The following ACSS2 variants were observed in gnomAD, a reference collection of about 807,000 sequenced individuals.
ACSS2 encodes acetyl-coenzyme A synthetase, cytoplasmic.
Under a neutral mutation model 90.6 loss-of-function variants are expected in ACSS2, and 58 were observed. That is an observed-to-expected ratio of 0.64 (90% CI 0.52 to 0.80). The LOEUF (loss-of-function observed/expected upper bound fraction) is 0.80. ACSS2 is among the 30% of genes least tolerant of loss of function. ACSS2 has a pLI of 0.00. For missense variants in ACSS2, 759 were observed against 912.0 expected (o/e 0.83, Z 2.16); for synonymous variants, 300 against 330.9 (o/e 0.91, Z 1.01).
intron 2 of ACSS2, among the ~76,000 whole-genome samples, chr20:34,888,539 G>A (rs1273478974): frequency 6.6e-6 from 1 of 152,194 alleles, no homozygotes; most frequent in Non-Finnish European, 1.5e-5. Context: ...TTAAGTGCCA[G>A]GCACTATTCT....
At chr20:34,877,050 TGCGGGTTTTTGCGAGGAGAC>T (rs2079932853) in intron 1 of ACSS2, among the ~76,000 whole-genome samples, 2 of 152,062 alleles carry the variant, frequency 1.3e-5, no homozygotes, top group South Asian at 4.2e-4. Context: ...GTGGTGGAGA[TGCGGGTTTTTGCGAGGAGAC>T]GCGGGATTCC....
At position 34,923,320 on chromosome 20, in the gene ACSS2, C is replaced by G. The variant is rs1257648164; in HGVS notation, c.1549-3C>G. 6.2e-7 allele frequency: 1 copy of G among 1,610,624 alleles called. No individual in the cohort carries two copies. Among genetic ancestry groups the G allele is most frequent in the African/African-American group, 1.3e-5 (1 of 74,828 alleles). ...TGATCACTGTCCCTTCCTCACTCCCCAGGTGTTCAAGCAGCCCTGGCCAGG... is the reference window on the plus strand; with the variant it reads ...TGATCACTGTCCCTTCCTCACTCCCGAGGTGTTCAAGCAGCCCTGGCCAGG... On this transcript the variant is annotated splice_polypyrimidine_tract_variant and splice_region_variant and intron_variant, in intron 13 of 17. Coordinates refer to ENST00000360596, the MANE Select transcript of ACSS2 (RefSeq NM_018677.4).
At chr20:34,887,011 T>C (rs1462482089) in intron 2 of ACSS2, among the ~76,000 whole-genome samples, 1 of 152,248 alleles carries the variant, frequency 6.6e-6, no homozygotes, top group Non-Finnish European at 1.5e-5. Flanking sequence ...GTACTCCCAT[T>C]ATCCAAAATA....
intron 2 of ACSS2, among the ~76,000 whole-genome samples, chr20:34,891,076 A>G (rs1310321734): frequency 6.6e-6 from 1 of 152,082 alleles, no homozygotes; most frequent in East Asian, 1.9e-4. Flanking sequence ...GATTTTCCAT[A>G]TCACCTTGAC....
At chr20:34,917,755 T>G (rs545348279) in intron 7 of ACSS2, among the ~76,000 whole-genome samples, 10 of 152,026 alleles carry the variant, frequency 6.6e-5, no homozygotes, top group Non-Finnish European at 1.0e-4. Flanking sequence ...TGTTTTTGTT[T>G]TTGTTTTTGT....
At chr20:34,879,834 G>A (rs1047738161) in intron 1 of ACSS2, among the ~76,000 whole-genome samples, 1 of 152,166 alleles carries the variant, frequency 6.6e-6, no homozygotes, top group Non-Finnish European at 1.5e-5. Flanking sequence ...ATTATCACTT[G>A]AAAATATTTT....
At chr20:34,877,909 C>CAGATAGACAGAT (rs1555878359) in intron 1 of ACSS2, among the ~76,000 whole-genome samples, 1 of 146,534 alleles carries the variant, frequency 6.8e-6, no homozygotes, top group Non-Finnish European at 1.5e-5. Context: ...GATAGATAGA[C>CAGATAGACAGAT]AGATAGATAG....
At chr20:34,891,705 G>A (rs79877684) in intron 2 of ACSS2, among the ~76,000 whole-genome samples, 130 of 152,248 alleles carry the variant, frequency 8.5e-4, no homozygotes, top group Middle Eastern at 3.4e-3. Context: ...GATTGTGGAG[G>A]TGAGCTGGAG....
chr20:34,907,981 G>A (rs2080851057), intron 2 of ACSS2, among the ~76,000 whole-genome samples: 1 of 152,222 alleles, frequency 6.6e-6, no homozygotes, highest in South Asian at 2.1e-4. Context: ...CACTATGAGG[G>A]AGAGTCCTGA....
intron 1 of ACSS2, among the ~76,000 whole-genome samples, chr20:34,880,270 G>A (rs1361805412): frequency 2.6e-5 from 4 of 152,154 alleles, no homozygotes; most frequent in African/African-American, 9.7e-5. Flanking sequence ...TGGGCTGGGC[G>A]TGGTGGCCCA....
At chr20:34,896,154 G>A (rs1017672968) in intron 2 of ACSS2, among the ~76,000 whole-genome samples, 1 of 152,222 alleles carries the variant, frequency 6.6e-6, no homozygotes, top group African/African-American at 2.4e-5. Flanking sequence ...GAAAAGAGAA[G>A]AGGTACACAA....
At chr20:34,912,987 G>GAAC (rs2080996145) in intron 2 of ACSS2, 109 bp from the exon 3 acceptor site, 1 of 852,696 alleles carries the variant, frequency 1.2e-6, no homozygotes, top group East Asian at 2.4e-5. Flanking sequence ...CATCCTCATA[G>GAAC]AACAGTTCCA....
rs547303225 is a variant in ACSS2, at chr20:34,884,364, G to A, written c.374+1375G>A. Among the ~76,000 whole-genome samples the A allele has an allele frequency of 2.0e-5, 3 of 152,282 alleles. No homozygotes were observed. The South Asian group carries it at 6.2e-4, about 32-fold the overall frequency. ...CCCAGTTTGTGTGATATATTGAGAAGAGCCTTAACCTGAGAGACAAGAAAT... is the reference window on the plus strand; with the variant it reads ...CCCAGTTTGTGTGATATATTGAGAAAAGCCTTAACCTGAGAGACAAGAAAT... On this transcript the variant is annotated intron_variant, in intron 2 of 17. Coordinates refer to ENST00000360596, the MANE Select transcript of ACSS2 (RefSeq NM_018677.4).
chr20:34,927,110 CG>C lies in ACSS2; in HGVS notation c.2004del (p.Lys669ArgfsTer30). The C allele has an allele frequency of 6.2e-7, 1 of 1,614,100 alleles. No homozygotes were observed. The highest frequency in any genetic ancestry group is 8.5e-7 in the Non-Finnish European group (1 of 1,180,020). Reference protein sequence around the residue: ...RSGKIMRRVLRKIAQNDHDLG... With the variant: ...RSGKIMRRVLXKIAQNDHDLG... ...AGGGAAAATCATGAGGCGAGTGCTT[CG>C]GAAGATTGCTCAGAATGACCATGAC... On this transcript the variant is annotated frameshift_variant, in exon 18 of 18. Coordinates refer to ENST00000360596, the MANE Select transcript of ACSS2 (RefSeq NM_018677.4). LOFTEE classifies it high-confidence loss of function. This position sits in a 1 kb window ranked among gnomAD's most constrained non-coding sequence, Gnocchi z 4.2.
chr20:34,875,923 G>A, upstream of ACSS2: 1 of 152,734 alleles, frequency 6.5e-6, no homozygotes, highest in Non-Finnish European at 1.5e-5. Flanking sequence ...AATCTGAGCT[G>A]GTTCCAGGGT....
Position 34,927,520 on chromosome 20 carries a change from C to T in ACSS2, c.*306C>T. 2.6e-6 allele frequency: 1 copy of T among 386,362 alleles called. No homozygotes were observed. The highest frequency in any genetic ancestry group is 4.8e-6 in the Non-Finnish European group (1 of 209,264). The allele number at this position is 386,362 out of a possible 1,614,324, so 23.9% of individuals were successfully genotyped here. A position where few individuals can be genotyped will look rare whatever the true frequency, so the allele number is the denominator to read the frequency against. On this transcript the variant is annotated 3_prime_UTR_variant, in exon 18 of 18. Coordinates refer to ENST00000360596, the MANE Select transcript of ACSS2 (RefSeq NM_018677.4). The surrounding 1 kb of genome is among the most constrained non-coding windows in gnomAD (Gnocchi z 4.2). ...AAGTGTTCAAAGGGGATGTGAGGGCCTCCACTGAAGCAGGGAGGCAGCTGT... is the reference window on the plus strand; with the variant it reads ...AAGTGTTCAAAGGGGATGTGAGGGCTTCCACTGAAGCAGGGAGGCAGCTGT...
chr20:34,887,989 G>A (rs900293557), intron 2 of ACSS2, among the ~76,000 whole-genome samples: 10 of 139,186 alleles, frequency 7.2e-5, no homozygotes, highest in Non-Finnish European at 1.5e-4. Context: ...AGAATTGCTT[G>A]AACCCAGGAG....
At chr20:34,888,290 C>A (rs930478790) in intron 2 of ACSS2, among the ~76,000 whole-genome samples, 9 of 151,994 alleles carry the variant, frequency 5.9e-5, no homozygotes, top group Non-Finnish European at 2.9e-5. Context: ...CTCTTTGAGC[C>A]TCAGTTTTCT....
At chr20:34,888,067 CAAAAAAAAAA>C (rs34578238) in intron 2 of ACSS2, among the ~76,000 whole-genome samples, 9 of 62,518 alleles carry the variant, frequency 1.4e-4, no homozygotes, top group Admixed American at 2.4e-4. Flanking sequence ...AAGACTCCAT[CAAAAAAAAAA>C]AAAAAAAAAA....
Sources: allele counts gnomAD v4.1 joint callset (sites outside exome capture counted in the v4.1 genomes callset), GRCh38; gene constraint gnomAD v4.1.1; non-coding constraint Gnocchi (gnomAD v3.1); transcripts MANE v1.5; gene names NCBI Gene and HGNC (gene_info 2026-07-23, HGNC 2026-07-21).